Variants in BTNL8 observed in about 807,000 individuals in gnomAD.
BTNL8 encodes the protein butyrophilin like 8.
BTNL8 carries 22 observed loss-of-function variants against 36.1 expected under a neutral mutation model. That is an observed-to-expected ratio of 0.61 (90% CI 0.44 to 0.87). The LOEUF is 0.87. BTNL8 is among the 40% of genes least tolerant of loss of function. The pLI, the probability that BTNL8 is intolerant of heterozygous loss-of-function variation, is 0.00. For missense variants in BTNL8, 526 were observed against 616.9 expected (o/e 0.85, Z 1.56); for synonymous variants, 203 against 235.6 (o/e 0.86, Z 1.27).
chr5:180,915,826 C>T (rs1015174680), intron 3 of BTNL8, among the ~76,000 whole-genome samples: 3 of 152,212 alleles, frequency 2.0e-5, no homozygotes, highest in African/African-American at 7.2e-5. Context: ...CATTTGACAA[C>T]ATTCAACACC....
intron 3 of BTNL8, among the ~76,000 whole-genome samples, chr5:180,912,427 GTATA>G (rs3029603): frequency 4.7e-5 from 7 of 150,050 alleles, no homozygotes; most frequent in Admixed American, 1.3e-4. Context: ...ACAACAGGAT[GTATA>G]TATATATATA....
intron 3 of BTNL8, among the ~76,000 whole-genome samples, chr5:180,946,887 G>T (rs1022365432): frequency 6.6e-6 from 1 of 152,102 alleles, no homozygotes; most frequent in South Asian, 2.1e-4. Context: ...TATGTGATTT[G>T]TCAATTTAAA....
rs182385392 is a variant in BTNL8, at chr5:180,899,986, A to G, written c.49+627A>G. On this transcript the variant is annotated intron_variant, in intron 1 of 7. Coordinates refer to ENST00000340184, the MANE Select transcript of BTNL8 (RefSeq NM_001040462.3). Reference sequence around the variant, plus strand: ...TAGATGGTCAGTACCCAGCCACAGAAGATTCGATTGACTGTGTTCACTTTC... The same window carrying G: ...TAGATGGTCAGTACCCAGCCACAGAGGATTCGATTGACTGTGTTCACTTTC... Among the ~76,000 whole-genome samples, 234 of 152,310 alleles carry G rather than the reference A, an allele frequency of 1.5e-3. 1 individual carries two copies. The highest frequency in any genetic ancestry group is 5.3e-3 in the African/African-American group (221 of 41,568).
chr5:180,937,514 C>T (rs1002305621), intron 3 of BTNL8, among the ~76,000 whole-genome samples: 2 of 152,026 alleles, frequency 1.3e-5, no homozygotes, highest in African/African-American at 4.8e-5. Flanking sequence ...AAGTTTCCAC[C>T]TCAGGGAACT....
intron 3 of BTNL8, among the ~76,000 whole-genome samples, chr5:180,942,891 TA>T (rs1759053360): frequency 3.3e-5 from 5 of 152,214 alleles, no homozygotes; most frequent in African/African-American, 1.2e-4. Flanking sequence ...AATTTTTTTT[TA>T]TGTGATTTCA....
intron 3 of BTNL8, among the ~76,000 whole-genome samples, chr5:180,924,143 C>A (rs1210571700): frequency 1.3e-5 from 2 of 152,184 alleles, no homozygotes; most frequent in East Asian, 3.8e-4. Context: ...GCGACTCAGC[C>A]AGCCTTGGGT....
At chr5:180,915,607 G>A (rs1757592166) in intron 3 of BTNL8, among the ~76,000 whole-genome samples, 1 of 152,216 alleles carries the variant, frequency 6.6e-6, no homozygotes, top group Non-Finnish European at 1.5e-5. Flanking sequence ...ACCAAAGTCT[G>A]CCAGTACAGA....
At chr5:180,938,542 TTC>T (rs893891839) in intron 3 of BTNL8, among the ~76,000 whole-genome samples, 22 of 137,544 alleles carry the variant, frequency 1.6e-4, no homozygotes, top group African/African-American at 5.1e-4. Flanking sequence ...CTTCCTTTCT[TTC>T]TTTTTTTTTT....
At chr5:180,903,453 A>C (rs1582003724) in intron 1 of BTNL8, among the ~76,000 whole-genome samples, 4 of 89,898 alleles carry the variant, frequency 4.4e-5, no homozygotes, top group African/African-American at 2.4e-4. Context: ...GGTTGCGAAA[A>C]TTTTCTCCCA....
chr5:180,920,544 T>C (rs1757816754), intron 3 of BTNL8, among the ~76,000 whole-genome samples: 1 of 152,054 alleles, frequency 6.6e-6, no homozygotes, highest in Admixed American at 6.5e-5. Flanking sequence ...GCAGTGATTT[T>C]TCACCCTGAC....
chr5:180,927,362 G>A (rs1336911433), intron 3 of BTNL8, among the ~76,000 whole-genome samples: 6 of 152,206 alleles, frequency 3.9e-5, no homozygotes, highest in Non-Finnish European at 8.8e-5. Flanking sequence ...ATAAATCCAT[G>A]AAGATGAGGA....
At chr5:180,933,037 A>C (rs1758479000) in intron 3 of BTNL8, among the ~76,000 whole-genome samples, 1 of 151,362 alleles carries the variant, frequency 6.6e-6, no homozygotes, top group Non-Finnish European at 1.5e-5. Flanking sequence ...AGCTATACTT[A>C]TATGAGACAA....
chr5:180,950,486 G>A lies in BTNL8; in HGVS notation c.1445G>A (p.Ser482Asn), dbSNP rs1424843035. ...AGGGCCTCTGCAATCCCAGAGACAA[G>A]CAACAGTGAGTCCTCCTCACAGGCA... ...WQRASAIPET[S>N]NSESSSQATT... The change falls in exon 8 of 8, where the codon AGC becomes AAC. Residue 482 changes from serine to asparagine, a missense_variant. Around this residue, in one of 2 missense-constraint regions of BTNL8, gnomAD observed 176 missense variants for 292.3 expected, o/e 0.60. Transcript: ENST00000340184. The A allele has an allele frequency of 6.8e-7, 1 of 1,463,584 alleles. No individual in the cohort carries two copies. Among genetic ancestry groups the A allele is most frequent in the Non-Finnish European group, 9.4e-7 (1 of 1,059,204 alleles). The allele number at this position is 1,463,584 out of a possible 1,614,324, so 90.7% of individuals were successfully genotyped here.
chr5:180,947,936 T>A, intron 4 of BTNL8: 1 of 871,618 alleles, frequency 1.1e-6, no homozygotes, highest in Non-Finnish European at 1.7e-6. Flanking sequence ...AGTTTTAATG[T>A]GGTGAACAAA....
At chr5:180,943,877 A>G (rs578066629) in intron 3 of BTNL8, among the ~76,000 whole-genome samples, 2 of 152,364 alleles carry the variant, frequency 1.3e-5, no homozygotes, top group East Asian at 3.9e-4. Flanking sequence ...AATATGATGT[A>G]TATACAAAAT....
chr5:180,907,967 T>A (rs773606386), intron 1 of BTNL8, among the ~76,000 whole-genome samples: 36 of 152,164 alleles, frequency 2.4e-4, no homozygotes, highest in Non-Finnish European at 3.8e-4. Context: ...TACTGCTGTC[T>A]TTTTGTGTGT....
intron 3 of BTNL8, among the ~76,000 whole-genome samples, chr5:180,938,931 C>T (rs1758795168): frequency 6.6e-6 from 1 of 152,020 alleles, no homozygotes; most frequent in African/African-American, 2.4e-5. Flanking sequence ...TTTATCACCA[C>T]TAGATCAGTC....
chr5:180,948,142 T>A, intron 4 of BTNL8: 1 of 732,166 alleles, frequency 1.4e-6, no homozygotes, highest in East Asian at 2.8e-5. Context: ...CCAGCTGTTG[T>A]CCCTCTCCTT....
chr5:180,910,165 C>G (rs1327538655), intron 2 of BTNL8, among the ~76,000 whole-genome samples: 1 of 151,590 alleles, frequency 6.6e-6, no homozygotes, highest in Non-Finnish European at 1.5e-5. Context: ...GCAGGACTTT[C>G]AAGTGCCTTA....
Sources: gnomAD v4.1 joint callset for allele counts (sites outside exome capture counted in the v4.1 genomes callset) on GRCh38, gnomAD v4.1.1 for gene constraint, gnomAD v4.1.1 regional missense constraint, MANE v1.5 for transcripts, NCBI Gene and HGNC (gene_info 2026-07-23, HGNC 2026-07-21) for gene names.